Variants in PLCH1 observed in about 807,000 individuals in gnomAD.
The protein encoded by PLCH1 is phospholipase C eta 1.
A neutral mutation model predicts 126.7 loss-of-function variants in PLCH1; 60 were observed. That is an observed-to-expected ratio of 0.47 (90% confidence interval 0.38 to 0.59). The LOEUF is 0.59. Ranked by LOEUF, PLCH1 falls within the 20% of genes least tolerant of loss-of-function variation. PLCH1 has a pLI of 0.00. For missense variants in PLCH1, 1,723 were observed against 2,040.0 expected, an observed-to-expected ratio of 0.84 and a Z score of 2.99; for synonymous variants, 719 against 734.9, an observed-to-expected ratio of 0.98 and a Z score of 0.35.
At chr3:155,643,513 G>A (rs1165927426) in intron 2 of PLCH1, among the ~76,000 whole-genome samples, 1 of 152,210 alleles carries the variant, frequency 6.6e-6, no homozygotes, top group Non-Finnish European at 1.5e-5. Context: ...ATTAATTTTA[G>A]GGTAATTTGT....
At chr3:155,479,727 A>C (rs1260770474), downstream of PLCH1, among the ~76,000 whole-genome samples, 1 of 152,206 alleles carries the variant, frequency 6.6e-6, no homozygotes, top group African/African-American at 2.4e-5. Context: ...TTAAAGCATA[A>C]GGAAAACACT....
At chr3:155,705,990 A>T (rs1175679534) in intron 1 of PLCH1, among the ~76,000 whole-genome samples, 2 of 149,576 alleles carry the variant, frequency 1.3e-5, no homozygotes, top group African/African-American at 4.9e-5. Context: ...CCTGGCCAAC[A>T]TAGTGAAATC....
At position 155,482,794 on chromosome 3, in the gene PLCH1, G is replaced by A. The variant is rs1173173739; in HGVS notation, c.3232C>T (p.Pro1078Ser). ...ENPCPSKSLS[P>S]KQHLAPDPVV... ...GGATCGGGAGCCAAATGCTGCTTTGGGGAGAGAGACTTGCTGGGACAGGGG... is the reference window on the plus strand; with the variant it reads ...GGATCGGGAGCCAAATGCTGCTTTGAGGAGAGAGACTTGCTGGGACAGGGG... Residue 1078 changes from proline to serine, a missense_variant, in exon 23 of 23, where the codon CCA becomes TCA. Transcript: ENST00000460012. 3 of 1,614,082 alleles carry A rather than the reference G, an allele frequency of 1.9e-6. No homozygotes were observed. Among genetic ancestry groups the A allele is most frequent in the South Asian group, 2.2e-5 (2 of 91,066 alleles).
intron 2 of PLCH1, among the ~76,000 whole-genome samples, chr3:155,699,421 T>C (rs1170786241): frequency 6.6e-6 from 1 of 152,174 alleles, no homozygotes; most frequent in Non-Finnish European, 1.5e-5. Flanking sequence ...TTGATTGTCA[T>C]TGCAATAATA....
At chr3:155,508,826 G>A (rs1348278711) in intron 12 of PLCH1, among the ~76,000 whole-genome samples, 1 of 63,812 alleles carries the variant, frequency 1.6e-5, no homozygotes, top group Non-Finnish European at 2.9e-5. Context: ...TTTTTTGGTT[G>A]TGTCTCTGCC....
Position 155,526,489 on chromosome 3 carries a change from T to TACACACACAC in PLCH1, c.1363-2495_1363-2486dup, listed in dbSNP as rs35144196. The stretch of plus-strand genomic sequence containing the variant: ...TTCTCTCTTCTTTCTCTCTCTCTCA[T>TACACACACAC]ACACACACACACACACACACACACA... On this transcript the variant is annotated intron_variant, in intron 10 of 22. Coordinates refer to ENST00000460012, the MANE Select transcript of PLCH1 (RefSeq NM_014996.4). 7.1e-3 allele frequency among the ~76,000 whole-genome samples: 899 copies of TACACACACAC among 126,636 alleles called. 8 individuals are homozygous for TACACACACAC. Among genetic ancestry groups the TACACACACAC allele is most frequent in the African/African-American group, 0.024 (838 of 35,390 alleles). 83.1% of individuals were successfully genotyped at this position (126,636 alleles called of 152,430 possible). A position where few individuals can be genotyped will look rare whatever the true frequency, so the allele number is the denominator to read the frequency against.
chr3:155,481,718 A>C lies in PLCH1; in HGVS notation c.4308T>G (p.His1436Gln). The C allele has an allele frequency of 6.2e-7, 1 of 1,614,216 alleles. No homozygotes were observed. The highest frequency in any genetic ancestry group is 1.1e-5 in the South Asian group (1 of 91,078). ...YLAYQGAGFV[H>Q]NHFSDSDAKM... is the part of the protein sequence containing the mutation. The stretch of plus-strand genomic sequence containing the variant: ...TTGCATCTGAATCTGAGAAATGATT[A>C]TGCACAAAGCCAGCACCCTGATAGG... Residue 1436 changes from histidine to glutamine, a missense_variant, in exon 23 of 23, where the codon CAT becomes CAG. Physicochemically the swap from His to Gln is conservative, Grantham distance 24. Around this residue, in one of 2 missense-constraint regions of PLCH1, gnomAD observed 947 missense variants for 977.1 expected, o/e 0.97. Transcript: ENST00000460012. This position sits in a 1 kb window ranked among gnomAD's most constrained non-coding sequence, Gnocchi z 4.2.
chr3:155,696,389 G>A (rs1003110976), intron 2 of PLCH1, among the ~76,000 whole-genome samples: 1 of 151,952 alleles, frequency 6.6e-6, no homozygotes, highest in African/African-American at 2.4e-5. Context: ...ATTATTACTG[G>A]ATCCAAGGAA....
At chr3:155,590,299 C>T (rs1577082005) in intron 4 of PLCH1, among the ~76,000 whole-genome samples, 1 of 152,150 alleles carries the variant, frequency 6.6e-6, no homozygotes, top group East Asian at 1.9e-4. Context: ...ACTATCTAGG[C>T]CAGGTGCGGT....
At chr3:155,648,963 C>T (rs1740373413) in intron 2 of PLCH1, among the ~76,000 whole-genome samples, 1 of 152,286 alleles carries the variant, frequency 6.6e-6, no homozygotes, top group African/African-American at 2.4e-5. Context: ...ACATAGGCCT[C>T]TTAGGCCATG....
At chr3:155,639,716 G>A (rs558285240) in intron 2 of PLCH1, among the ~76,000 whole-genome samples, 74 of 152,228 alleles carry the variant, frequency 4.9e-4, no homozygotes, top group African/African-American at 1.7e-3. Flanking sequence ...TCACTTTCCC[G>A]GGAACTGGAA....
chr3:155,480,971 CA>C lies in PLCH1; in HGVS notation c.5054del (p.Leu1685ArgfsTer23). The stretch of plus-strand genomic sequence containing the variant: ...TAAGAATGCAGTTTTAAATAATTCA[CA>C]GTCTCAAAAGAAAATAAATTTCTGG... Reference protein sequence around the residue: ...DKPEIYFLLRL With the variant: ...DKPEIYFLLRX On this transcript the variant is annotated frameshift_variant, in exon 23 of 23. Coordinates refer to ENST00000460012, the MANE Select transcript of PLCH1 (RefSeq NM_014996.4). LOFTEE classifies it high-confidence loss of function. 2 of 1,573,358 alleles carry C rather than the reference CA, an allele frequency of 1.3e-6. No individual in the cohort carries two copies. Among genetic ancestry groups the C allele is most frequent in the Non-Finnish European group, 1.7e-6 (2 of 1,154,870 alleles).
intron 6 of PLCH1, among the ~76,000 whole-genome samples, chr3:155,570,643 G>T (rs745865742): frequency 2.6e-5 from 4 of 152,080 alleles, no homozygotes; most frequent in Non-Finnish European, 5.9e-5. Context: ...CTGCCTTGTA[G>T]ATAGAAAAAT....
intron 12 of PLCH1, among the ~76,000 whole-genome samples, chr3:155,512,126 C>A (rs143331904): frequency 2.0e-5 from 3 of 150,910 alleles, no homozygotes; most frequent in African/African-American, 4.9e-5. Context: ...CAGGTGCGTC[C>A]GTCACCCCTT....
At chr3:155,526,099 G>C (rs1416278285) in intron 10 of PLCH1, among the ~76,000 whole-genome samples, 1 of 152,178 alleles carries the variant, frequency 6.6e-6, no homozygotes, top group African/African-American at 2.4e-5. Flanking sequence ...TCCAGAATCA[G>C]AGGGTGGGAG....
At chr3:155,538,670 A>C (rs977384760) in intron 10 of PLCH1, among the ~76,000 whole-genome samples, 1 of 152,174 alleles carries the variant, frequency 6.6e-6, no homozygotes. Flanking sequence ...AAGTTCCTGG[A>C]AATATACAAT....
In PLCH1 at chr3:155,578,149, A is replaced by C. The variant is rs541368609; in HGVS notation, c.771+5323T>G. ...AAGGATGGAGAAGTAGTTATATAAC[A>C]GACTCCACAGAGGAGTAAAGATGTA... On this transcript the variant is annotated intron_variant, in intron 6 of 22. Transcript: ENST00000460012. Among the ~76,000 whole-genome samples, 11 of 152,356 alleles carry C rather than the reference A, an allele frequency of 7.2e-5. No individual in the cohort carries two copies. In the East Asian group the frequency reaches 2.1e-3, roughly 29 times the overall value.
downstream of PLCH1, among the ~76,000 whole-genome samples, chr3:155,478,109 T>C (rs1170244824): frequency 6.6e-6 from 1 of 152,152 alleles, no homozygotes. Flanking sequence ...TGGATGGAAC[T>C]GGAGATCATT....
At chr3:155,613,610 G>A (rs1334803817) in intron 2 of PLCH1, among the ~76,000 whole-genome samples, 2 of 152,108 alleles carry the variant, frequency 1.3e-5, no homozygotes, top group Non-Finnish European at 2.9e-5. Context: ...CATCCTTTAT[G>A]ATTAAAACCC....
Sources: gnomAD v4.1 joint callset for allele counts (sites outside exome capture counted in the v4.1 genomes callset) on GRCh38, gnomAD v4.1.1 for gene constraint, gnomAD v4.1.1 regional missense constraint, Gnocchi (gnomAD v3.1) non-coding constraint, MANE v1.5 for transcripts, NCBI Gene and HGNC (gene_info 2026-07-23, HGNC 2026-07-21) for gene names.